KLRG1: variants seen among roughly 807,000 people sequenced by gnomAD.
KLRG1 encodes killer cell lectin like receptor G1, also known as killer cell lectin-like receptor subfamily G member 1.
Under a neutral mutation model 21.8 loss-of-function variants are expected in KLRG1, and 16 were observed. The ratio of observed to expected loss-of-function variants is 0.73; its 90% CI spans 0.50 to 1.11. The LOEUF (loss-of-function observed/expected upper bound fraction) is 1.11. Among genes scored for constraint, KLRG1 ranks in the 50% most tolerant of loss-of-function variants. The pLI, the probability that KLRG1 is intolerant of heterozygous loss-of-function variation, is 0.00. For synonymous variants in KLRG1, 69 were observed against 75.9 expected (o/e 0.91, Z 0.47); for missense variants, 173 against 218.3 (o/e 0.79, Z 1.31).
chr12:9,037,334 C>G, the KLRG1 span: 1 of 152,454 alleles, frequency 6.6e-6, no homozygotes, highest in Non-Finnish European at 1.5e-5. Flanking sequence ...AGAAGGTGAT[C>G]AAAACAAAGG....
the KLRG1 span, among the ~76,000 whole-genome samples, chr12:9,039,457 GC>G: frequency 6.9e-4 from 102 of 146,874 alleles, no homozygotes; most frequent in African/African-American, 2.4e-3. Context: ...ATAATTTTAT[GC>G]TTTTTTAAAA....
chr12:8,965,546 GACAA>G (rs1187325234), intron 1 of KLRG1, among the ~76,000 whole-genome samples: 4 of 152,064 alleles, frequency 2.6e-5, no homozygotes, highest in Non-Finnish European at 4.4e-5. Context: ...ACCAATAACA[GACAA>G]ACAGAGAGCC....
chr12:9,166,040 A>G, the KLRG1 span: 5 of 1,593,736 alleles, frequency 3.1e-6, no homozygotes, highest in East Asian at 6.7e-5. Context: ...GGAGGAAAGT[A>G]AAGTTACTTA....
the KLRG1 span, among the ~76,000 whole-genome samples, chr12:9,102,116 T>C: frequency 6.6e-5 from 10 of 152,302 alleles, no homozygotes; most frequent in South Asian, 1.7e-3. Context: ...TATTGTAACC[T>C]TAGGGGTCTG....
At chr12:9,072,017 C>G in the KLRG1 span, among the ~76,000 whole-genome samples, 1 of 152,110 alleles carries the variant, frequency 6.6e-6, no homozygotes, top group Non-Finnish European at 1.5e-5. Flanking sequence ...TCCTTCTATT[C>G]AAACTTTTCA....
chr12:8,980,221 G>T (rs11048373), intron 1 of KLRG1, among the ~76,000 whole-genome samples: 8,443 of 151,558 alleles, frequency 0.056, 338 homozygotes, highest in African/African-American at 0.11. Context: ...GCCTGGCCCT[G>T]TTTTTTTTGT....
At chr12:9,049,749 T>C in the KLRG1 span, among the ~76,000 whole-genome samples, 5 of 152,314 alleles carry the variant, frequency 3.3e-5, no homozygotes, top group Middle Eastern at 3.4e-3. Flanking sequence ...TTTATTACTG[T>C]ATATGAAAGG....
chr12:9,095,226 A>G, the KLRG1 span: 4 of 529,580 alleles, frequency 7.6e-6, no homozygotes, highest in Non-Finnish European at 1.3e-5. Flanking sequence ...AGGGATATTT[A>G]TATACTTAAG....
At chr12:9,035,482 A>C in the KLRG1 span, among the ~76,000 whole-genome samples, 1 of 151,964 alleles carries the variant, frequency 6.6e-6, no homozygotes, top group South Asian at 2.1e-4. Context: ...TAGCATTAGG[A>C]GAAATACCTA....
intron 1 of KLRG1, among the ~76,000 whole-genome samples, chr12:8,965,918 C>T (rs1437012004): frequency 2.6e-5 from 4 of 152,296 alleles, no homozygotes; most frequent in East Asian, 3.9e-4. Flanking sequence ...GGAGGCATCA[C>T]GCTACCTGAA....
the KLRG1 span, among the ~76,000 whole-genome samples, chr12:9,173,613 T>G: frequency 3.3e-5 from 5 of 151,738 alleles, no homozygotes; most frequent in Non-Finnish European, 5.9e-5. Flanking sequence ...AAGAAAAGAA[T>G]CAAGTAGACA....
At chr12:9,160,002 T>C in the KLRG1 span, 5 of 1,613,970 alleles carry the variant, frequency 3.1e-6, no homozygotes, top group East Asian at 1.1e-4. Flanking sequence ...TCTTGGTGTT[T>C]GTAGTTCAGC....
At chr12:9,112,332 G>C in the KLRG1 span, 2 of 1,602,586 alleles carry the variant, frequency 1.2e-6, no homozygotes, top group South Asian at 2.2e-5. Context: ...AGGGGAAGAA[G>C]ATCTTTCCTT....
the KLRG1 span, among the ~76,000 whole-genome samples, chr12:9,017,736 T>C: frequency 6.6e-6 from 1 of 152,176 alleles, no homozygotes; most frequent in Non-Finnish European, 1.5e-5. Flanking sequence ...ACCACCGTTA[T>C]TCAATATAGT....
chr12:8,953,371 G>T (rs1290711224), intron 1 of KLRG1, among the ~76,000 whole-genome samples: 1 of 152,202 alleles, frequency 6.6e-6, no homozygotes, highest in Non-Finnish European at 1.5e-5. Flanking sequence ...AACAGTTAAA[G>T]TGAAGACACC....
the KLRG1 span, chr12:9,079,094 T>A: frequency 8.5e-6 from 5 of 585,852 alleles, no homozygotes; most frequent in Non-Finnish European, 8.8e-6. Context: ...TTCTTCTGAT[T>A]ACCTTGCTAA....
chr12:9,070,687 T>G, the KLRG1 span: 1 of 709,290 alleles, frequency 1.4e-6, no homozygotes, highest in Non-Finnish European at 2.3e-6. Context: ...ACGTAAGTCT[T>G]CCCAAATATC....
At chr12:9,124,619 G>A in the KLRG1 span, among the ~76,000 whole-genome samples, 7 of 152,212 alleles carry the variant, frequency 4.6e-5, no homozygotes, top group Non-Finnish European at 1.0e-4. Context: ...ACCCTCACAG[G>A]TGCAGGTCCA....
the KLRG1 span, among the ~76,000 whole-genome samples, chr12:9,119,116 A>G: frequency 6.6e-6 from 1 of 152,242 alleles, no homozygotes; most frequent in Non-Finnish European, 1.5e-5. Context: ...CAGAATGATC[A>G]TGACTTTATA....
Sources: gnomAD v4.1 joint callset for allele counts (sites outside exome capture counted in the v4.1 genomes callset) on GRCh38, gnomAD v4.1.1 for gene constraint, MANE v1.5 for transcripts, NCBI Gene and HGNC (gene_info 2026-07-23, HGNC 2026-07-21) for gene names.